CCDC88A: variants seen among roughly 807,000 people sequenced by gnomAD.
CCDC88A encodes girdin.
Under a neutral mutation model 234.3 loss-of-function variants are expected in CCDC88A, and 54 were observed. That is an observed-to-expected ratio of 0.23 (90% confidence interval 0.19 to 0.29). The LOEUF is 0.29. CCDC88A is among the 10% of genes least tolerant of loss of function. CCDC88A has a pLI of 1.00. For missense variants in CCDC88A, 1,832 were observed against 2,123.4 expected (o/e 0.86, Z 2.70); for synonymous variants, 753 against 737.8 (o/e 1.02, Z -0.33).
intron 17 of CCDC88A, among the ~76,000 whole-genome samples, chr2:55,325,714 T>G (rs1369224281): frequency 1.3e-5 from 2 of 152,222 alleles, no homozygotes; most frequent in African/African-American, 2.4e-5. Context: ...AGTATTGAAC[T>G]CTCTTACTGT....
chr2:55,334,055 TA>T lies in CCDC88A; in HGVS notation c.2727+38del, dbSNP rs555306682. On this transcript the variant is annotated intron_variant, in intron 15 of 32. Transcript: ENST00000436346. The surrounding 1 kb of genome is among the most constrained non-coding windows in gnomAD (Gnocchi z 6.1). The stretch of plus-strand genomic sequence containing the variant: ...TTAAAGAAACCTTGAGTTAAAAATA[TA>T]AAAAAAAATTTGCCTTAATTTAGGT... The T allele has an allele frequency of 2.9e-4, 217 of 743,566 alleles. No homozygotes were observed. Among genetic ancestry groups the T allele is most frequent in the African/African-American group, 3.4e-4 (19 of 55,164 alleles). 46.1% of individuals were successfully genotyped at this position (743,566 alleles called of 1,614,324 possible). A position where few individuals can be genotyped will look rare whatever the true frequency, so the allele number is the denominator to read the frequency against.
rs1263975782 is a variant in CCDC88A, at chr2:55,299,906, G to A, written c.4758C>T (p.Ala1586=). ...TGSRVHASRP[A]SLDSGRTSTS... ...TGGATGTTCTGCCACTATCAAGGCT[G>A]GCTGGTCTTGAAGCTAAATGAAAAA... Residue 1586 remains alanine, a synonymous_variant, in exon 29 of 33, where the codon GCC becomes GCT. Transcript: ENST00000436346. The A allele has an allele frequency of 4.3e-6, 7 of 1,612,898 alleles. 1 individual carries two copies. In the South Asian group the frequency reaches 4.4e-5, roughly 10 times the overall value.
intron 2 of CCDC88A, among the ~76,000 whole-genome samples, chr2:55,411,932 TG>T (rs1186170085): frequency 2.0e-5 from 3 of 151,910 alleles, no homozygotes; most frequent in African/African-American, 7.3e-5. Flanking sequence ...ATAACATCGG[TG>T]GGAAAAATAT....
At chr2:55,402,001 TTC>T (rs1678785343) in intron 2 of CCDC88A, among the ~76,000 whole-genome samples, 1 of 45,676 alleles carries the variant, frequency 2.2e-5, no homozygotes, top group Non-Finnish European at 8.2e-5. Flanking sequence ...CACCCTTTAT[TTC>T]TTTTAGAATA....
Position 55,316,002 on chromosome 2 carries a change from C to T in CCDC88A, c.3859G>A (p.Ala1287Thr), listed in dbSNP as rs753842499. ...NSKLEQTRLE[A>T]EFSKLKEQYQ... The stretch of plus-strand genomic sequence containing the variant: ...TGTTCCTTTAGTTTTGAAAATTCAG[C>T]TTCTAATCTTGTTTGTTCCAGTTTG... The change falls in exon 22 of 33, where the codon GCT becomes ACT. Residue 1287 changes from alanine (A) to threonine (T), a missense_variant. By Grantham distance (58) the Ala-to-Thr change is moderately conservative. Around this residue, in one of 6 missense-constraint regions of CCDC88A, gnomAD observed 1,282 missense variants for 1,543.6 expected, o/e 0.83. Transcript: ENST00000436346. 1.3e-6 allele frequency: 2 copies of T among 1,587,856 alleles called. No homozygotes were observed. The highest frequency in any genetic ancestry group is 1.2e-5 in the South Asian group (1 of 86,580).
intron 8 of CCDC88A, among the ~76,000 whole-genome samples, chr2:55,354,896 T>C (rs928000320): frequency 1.3e-5 from 2 of 151,486 alleles, no homozygotes; most frequent in African/African-American, 4.9e-5. Flanking sequence ...CATTTTTCTT[T>C]TCTTTTTTTA....
Position 55,336,822 on chromosome 2 carries a change from G to T in CCDC88A, c.1519-4C>A. Reference sequence around the variant, plus strand: ...TCTCATTTTCAAGAATCTCAACCTAGAGAAAATTAAATCACAAAACAATAC... The same window carrying T: ...TCTCATTTTCAAGAATCTCAACCTATAGAAAATTAAATCACAAAACAATAC... On this transcript the variant is annotated splice_region_variant and splice_polypyrimidine_tract_variant and intron_variant, in intron 13 of 32. Coordinates refer to ENST00000436346, the MANE Select transcript of CCDC88A (RefSeq NM_001365480.1). 1 of 1,538,578 alleles carries T rather than the reference G, an allele frequency of 6.5e-7. No individual in the cohort carries two copies. Among genetic ancestry groups the T allele is most frequent in the South Asian group, 1.2e-5 (1 of 83,672 alleles).
chr2:55,357,694 C>G (rs1266430361), intron 7 of CCDC88A, among the ~76,000 whole-genome samples: 2 of 152,136 alleles, frequency 1.3e-5, no homozygotes, highest in African/African-American at 4.8e-5. Context: ...CAAGTCTTAT[C>G]TGCCTTCCCT....
intron 5 of CCDC88A, among the ~76,000 whole-genome samples, chr2:55,370,202 TATC>T (rs944187972): frequency 1.1e-4 from 16 of 152,148 alleles, no homozygotes; most frequent in African/African-American, 3.6e-4. Flanking sequence ...GACAAGCTGA[TATC>T]ATATCAAAAA....
rs1182576280 is a variant in CCDC88A, at chr2:55,390,045, AAAAAT to A, written c.165-1164_165-1160del. 5.6e-5 allele frequency among the ~76,000 whole-genome samples: 8 copies of A among 142,602 alleles called. 2 individuals are homozygous for A. Among genetic ancestry groups the A allele is most frequent in the Non-Finnish European group, 1.1e-4 (7 of 65,654 alleles). The allele number at this position is 142,602 out of a possible 152,430, so 93.6% of individuals were successfully genotyped here. On this transcript the variant is annotated intron_variant, in intron 2 of 32. Transcript: ENST00000436346. ...TACAGAGCGAGACTCAAAAAAAAAA[AAAAAT>A]AAAAAATAAAGATAGAACATTTCAA... is the stretch of plus-strand genomic sequence containing the variant.
chr2:55,415,595 T>C (rs558322958), intron 2 of CCDC88A, among the ~76,000 whole-genome samples: 2 of 152,250 alleles, frequency 1.3e-5, no homozygotes, highest in African/African-American at 4.8e-5. Context: ...GAACTGAGTC[T>C]GGAGACAGCA....
At chr2:55,385,741 T>A (rs935315649) in intron 3 of CCDC88A, among the ~76,000 whole-genome samples, 2 of 148,622 alleles carry the variant, frequency 1.3e-5, no homozygotes, top group African/African-American at 5.0e-5. Context: ...TAGTCTCAGC[T>A]ACTCAGGGGC....
At chr2:55,342,595 T>G (rs1215979768) in intron 12 of CCDC88A, among the ~76,000 whole-genome samples, 1 of 152,160 alleles carries the variant, frequency 6.6e-6, no homozygotes, top group Non-Finnish European at 1.5e-5. Flanking sequence ...ACAAGGAATA[T>G]AATTTTTAAA....
At chr2:55,375,036 T>C (rs1474822155) in intron 3 of CCDC88A, among the ~76,000 whole-genome samples, 153 bp from the exon 4 acceptor site, 1 of 152,224 alleles carries the variant, frequency 6.6e-6, no homozygotes, top group Non-Finnish European at 1.5e-5. Flanking sequence ...TTAAATCTTT[T>C]GTAACTTCAA....
At chr2:55,411,303 G>C (rs1413062825) in intron 2 of CCDC88A, among the ~76,000 whole-genome samples, 3 of 152,102 alleles carry the variant, frequency 2.0e-5, no homozygotes, top group Non-Finnish European at 4.4e-5. Flanking sequence ...TATATATTAA[G>C]AGAAAATTTT....
chr2:55,340,538 T>G (rs1009190934), intron 12 of CCDC88A, among the ~76,000 whole-genome samples: 1 of 152,214 alleles, frequency 6.6e-6, no homozygotes, highest in Non-Finnish European at 1.5e-5. Context: ...TACTAACTTT[T>G]AAAATTCCAT....
chr2:55,385,479 T>C (rs909195191), intron 3 of CCDC88A, among the ~76,000 whole-genome samples: 14 of 152,146 alleles, frequency 9.2e-5, no homozygotes, highest in African/African-American at 3.4e-4. Flanking sequence ...AAGTCTAACA[T>C]ATATCAATAA....
chr2:55,322,727 A>G (rs573059908), intron 17 of CCDC88A, 35 bp from the exon 18 acceptor site: 2 of 1,166,342 alleles, frequency 1.7e-6, no homozygotes, highest in African/African-American at 1.6e-5. Context: ...AATGGGGAGA[A>G]AAAAATCACC....
rs1173125648 is a variant in CCDC88A at position 55,334,499 on chromosome 2, G to A, written c.2322C>T (p.Asn774=). ...ENQRLQKTLE[N]SNKKIQQLES... is the part of the protein sequence containing the mutation. ...CTAATTGCTGGATTTTTTTATTGCT[G>A]TTCTCTAAAGTTTTTTGCAGTCTTT... Residue 774 remains asparagine, a synonymous_variant, in exon 15 of 33, where the codon AAC becomes AAT. Coordinates refer to ENST00000436346, the MANE Select transcript of CCDC88A (RefSeq NM_001365480.1). The surrounding 1 kb of genome is among the most constrained non-coding windows in gnomAD (Gnocchi z 6.1). 2.7e-5 allele frequency: 43 copies of A among 1,607,230 alleles called. No homozygotes were observed. The highest frequency in any genetic ancestry group is 3.6e-5 in the Non-Finnish European group (43 of 1,178,236).
Sources: gnomAD v4.1 joint callset for allele counts (sites outside exome capture counted in the v4.1 genomes callset) on GRCh38, gnomAD v4.1.1 for gene constraint, gnomAD v4.1.1 regional missense constraint, Gnocchi (gnomAD v3.1) non-coding constraint, MANE v1.5 for transcripts, NCBI Gene and HGNC (gene_info 2026-07-23, HGNC 2026-07-21) for gene names.